Variants in CRACDL observed in about 807,000 individuals in gnomAD.
The protein encoded by CRACDL is CRACD like, also known as CRACD-like protein.
In CRACDL, 26 loss-of-function variants were observed where a neutral mutation model predicts 70.6. The observed-to-expected ratio is 0.37, with a 90% CI of 0.27 to 0.51. The LOEUF is 0.51. Among genes scored for constraint, CRACDL ranks in the 20% least tolerant of loss-of-function variants. CRACDL has a pLI of 0.94. For missense variants in CRACDL, 1,283 were observed against 1,376.9 expected (o/e 0.93, Z 1.08); for synonymous variants, 618 against 615.2 (o/e 1.00, Z -0.07).
At chr2:98,871,389 T>A (rs1057219757) in intron 1 of CRACDL, among the ~76,000 whole-genome samples, 1 of 152,190 alleles carries the variant, frequency 6.6e-6, no homozygotes, top group African/African-American at 2.4e-5. Context: ...AGCTATGAGT[T>A]AAATGGTCCA....
rs562251278 is a variant in CRACDL, at chr2:98,887,573, A to C, written c.-10-40763T>G. 3.6e-4 allele frequency among the ~76,000 whole-genome samples: 55 copies of C among 152,370 alleles called. 1 individual carries two copies. Among genetic ancestry groups the C allele is most frequent in the African/African-American group, 1.3e-3 (55 of 41,594 alleles). ...ACTGAGAGCCACAGAAACGGAGGAAAGAGAAAGGTGCAGAAAGAATATTCA... is the reference window on the plus strand; with the variant it reads ...ACTGAGAGCCACAGAAACGGAGGAACGAGAAAGGTGCAGAAAGAATATTCA... On this transcript the variant is annotated intron_variant, in intron 1 of 9. Coordinates refer to ENST00000397899, the MANE Select transcript of CRACDL (RefSeq NM_207362.3).
intron 5 of CRACDL, among the ~76,000 whole-genome samples, chr2:98,828,163 C>T (rs1017967163): frequency 6.6e-6 from 1 of 152,168 alleles, no homozygotes; most frequent in Non-Finnish European, 1.5e-5. Context: ...TTGGCCAGCT[C>T]CACCACTGAG....
intron 1 of CRACDL, among the ~76,000 whole-genome samples, chr2:98,892,165 A>G (rs989422520): frequency 1.5e-4 from 23 of 152,198 alleles, no homozygotes; most frequent in African/African-American, 5.5e-4. Context: ...TCATCCTTTG[A>G]CCAGGCAATT....
chr2:98,914,502 G>A (rs891221462), intron 1 of CRACDL, among the ~76,000 whole-genome samples: 4 of 152,226 alleles, frequency 2.6e-5, no homozygotes, highest in Admixed American at 1.3e-4. Flanking sequence ...GAGGTGGGGG[G>A]CTCTAAGATT....
intron 7 of CRACDL, among the ~76,000 whole-genome samples, chr2:98,806,739 G>A (rs1251414524): frequency 6.6e-6 from 1 of 152,238 alleles, no homozygotes; most frequent in African/African-American, 2.4e-5. Flanking sequence ...CTTTGAGCTA[G>A]AGCACGATTG....
At chr2:98,908,973 C>T (rs1708481190) in intron 1 of CRACDL, among the ~76,000 whole-genome samples, 1 of 152,216 alleles carries the variant, frequency 6.6e-6, no homozygotes, top group South Asian at 2.1e-4. Flanking sequence ...ACGGAAAAAG[C>T]CCACTGCCCC....
At chr2:98,880,600 G>C (rs1278956476) in intron 1 of CRACDL, among the ~76,000 whole-genome samples, 1 of 152,168 alleles carries the variant, frequency 6.6e-6, no homozygotes, top group Non-Finnish European at 1.5e-5. Context: ...GGTGTTTGCA[G>C]GGTGTCTGCC....
chr2:98,822,950 C>A lies in CRACDL; in HGVS notation c.1323G>T (p.Pro441=), dbSNP rs1207311628. Residue 441 remains proline (P), a synonymous_variant, in exon 7 of 10, where the codon CCG becomes CCT. Transcript: ENST00000397899. The surrounding 1 kb of genome is among the most constrained non-coding windows in gnomAD (Gnocchi z 4.9). ...PERSVPKEAE[P]TPPVLPDEEK... ...CCTCATCCGGGAGCACGGGCGGCGT[C>A]GGCTCCGCTTCCTTCGGGACACTGC... 2 of 1,461,864 alleles carry A rather than the reference C, an allele frequency of 1.4e-6. No homozygotes were observed. Among genetic ancestry groups the A allele is most frequent in the African/African-American group, 1.5e-5 (1 of 67,502 alleles). 90.6% of individuals were successfully genotyped at this position (1,461,864 alleles called of 1,614,324 possible).
chr2:98,888,554 A>G (rs1448848569), intron 1 of CRACDL, among the ~76,000 whole-genome samples: 1 of 152,214 alleles, frequency 6.6e-6, no homozygotes, highest in Admixed American at 6.5e-5. Flanking sequence ...AAAATGGTAC[A>G]CTAGAAAATA....
intron 6 of CRACDL, among the ~76,000 whole-genome samples, chr2:98,826,499 G>A (rs1477906166): frequency 1.3e-5 from 2 of 152,196 alleles, no homozygotes; most frequent in African/African-American, 4.8e-5. Context: ...GGAAGTGAAC[G>A]GGCAGGGTGA....
chr2:98,862,238 G>A (rs1278256868), intron 1 of CRACDL, among the ~76,000 whole-genome samples: 5 of 152,152 alleles, frequency 3.3e-5, no homozygotes, highest in Non-Finnish European at 5.9e-5. Context: ...CTGATCATCA[G>A]CACTAAGACT....
intron 7 of CRACDL, among the ~76,000 whole-genome samples, chr2:98,798,898 G>A (rs997085160): frequency 3.9e-5 from 6 of 152,114 alleles, no homozygotes; most frequent in South Asian, 4.2e-4. Flanking sequence ...TGCCCAGGCT[G>A]GTCTCGAACT....
chr2:98,826,913 G>T, intron 6 of CRACDL, 62 bp downstream of exon 6: 1 of 1,282,314 alleles, frequency 7.8e-7, no homozygotes, highest in Admixed American at 1.9e-5. Flanking sequence ...GGTTGGGGGG[G>T]GGCATAGGGG....
Position 98,896,310 on chromosome 2 carries a change from A to G in CRACDL, c.-11+39628T>C, listed in dbSNP as rs557388393. Among the ~76,000 whole-genome samples, 8 of 152,344 alleles carry G rather than the reference A, an allele frequency of 5.3e-5. 1 individual carries two copies. The South Asian group carries it at 1.7e-3, about 32-fold the overall frequency. ...CTGTGCTGGGGAGAGTTTTGGACAC[A>G]TGCATGACTTCAGACAAGAAAATAT... On this transcript the variant is annotated intron_variant, in intron 1 of 9. Transcript: ENST00000397899.
chr2:98,930,267 C>T (rs1250316533), intron 1 of CRACDL, among the ~76,000 whole-genome samples: 2 of 151,990 alleles, frequency 1.3e-5, no homozygotes, highest in Non-Finnish European at 2.9e-5. Flanking sequence ...CACACGGATG[C>T]TTTCCAGCTA....
intron 7 of CRACDL, among the ~76,000 whole-genome samples, chr2:98,806,992 T>C (rs1485014383): frequency 6.6e-6 from 1 of 152,152 alleles, no homozygotes; most frequent in African/African-American, 2.4e-5. Flanking sequence ...GGTAGGGAAG[T>C]TTCTCCCGAC....
chr2:98,804,217 T>C (rs1386701314), intron 7 of CRACDL, among the ~76,000 whole-genome samples: 1 of 152,166 alleles, frequency 6.6e-6, no homozygotes. Context: ...GCAAGAGCTT[T>C]TCAGGGCAGG....
At chr2:98,853,086 G>A (rs569388655) in intron 1 of CRACDL, among the ~76,000 whole-genome samples, 9 of 151,948 alleles carry the variant, frequency 5.9e-5, no homozygotes, top group South Asian at 4.2e-4. Flanking sequence ...GAGAACTTAC[G>A]AATAAACATT....
At chr2:98,912,066 C>G (rs1708558638) in intron 1 of CRACDL, among the ~76,000 whole-genome samples, 1 of 152,196 alleles carries the variant, frequency 6.6e-6, no homozygotes, top group Admixed American at 6.5e-5. Context: ...CTGCATTTTG[C>G]CCTAATGAGC....
Sources: allele counts gnomAD v4.1 joint callset (sites outside exome capture counted in the v4.1 genomes callset), GRCh38; gene constraint gnomAD v4.1.1; non-coding constraint Gnocchi (gnomAD v3.1); transcripts MANE v1.5; gene names NCBI Gene and HGNC (gene_info 2026-07-23, HGNC 2026-07-21).